Variants in ZNF25 observed in about 807,000 individuals in gnomAD.
ZNF25 encodes the protein zinc finger protein 25, also known as zinc finger protein 25 (KOX 19).
ZNF25 carries 21 observed loss-of-function variants against 30.9 expected under a neutral mutation model. That is an observed-to-expected ratio of 0.68 (90% CI 0.48 to 0.98). The LOEUF is 0.98. Among genes scored for constraint, ZNF25 ranks in the 50% least tolerant of loss-of-function variants. ZNF25 has a pLI of 0.00. For missense variants in ZNF25, 501 were observed against 529.9 expected (o/e 0.95, Z 0.54); for synonymous variants, 169 against 181.3 (o/e 0.93, Z 0.55).
intron 2 of ZNF25, among the ~76,000 whole-genome samples, chr10:37,966,027 C>A (rs558155797): frequency 1.3e-5 from 2 of 151,508 alleles, no homozygotes; most frequent in African/African-American, 2.4e-5. Flanking sequence ...AAAACACTCA[C>A]AAAAGGAAAT....
At chr10:37,960,623 C>CAAAAAAA (rs201582068) in intron 2 of ZNF25, among the ~76,000 whole-genome samples, 11 of 65,696 alleles carry the variant, frequency 1.7e-4, no homozygotes, top group Admixed American at 2.8e-4. Context: ...GACTCCATCT[C>CAAAAAAA]AAAAAAAAAA....
chr10:37,955,741 G>A (rs891046620), intron 4 of ZNF25, among the ~76,000 whole-genome samples: 3 of 152,198 alleles, frequency 2.0e-5, no homozygotes, highest in African/African-American at 4.8e-5. Context: ...GCAGTGGGGC[G>A]ATCTTGGCTC....
rs1348901845 is a variant in ZNF25, at chr10:37,951,272, GAACT to G, written c.*851_*854del. The G allele has an allele frequency of 7.2e-5, 11 of 152,264 alleles. No individual in the cohort carries two copies. Among genetic ancestry groups the G allele is most frequent in the Admixed American group, 1.3e-4 (2 of 15,254 alleles). 9.4% of individuals were successfully genotyped at this position (152,264 alleles called of 1,614,324 possible). A position where few individuals can be genotyped will look rare whatever the true frequency, so the allele number is the denominator to read the frequency against. On this transcript the variant is annotated 3_prime_UTR_variant, in exon 6 of 6. Transcript: ENST00000302609. ...CATCTTCATACACATAATAGTTACT[GAACT>G]AAGATTATATTATTTCGCTATGTAC...
intron 1 of ZNF25, among the ~76,000 whole-genome samples, chr10:37,975,873 G>A (rs1378382917): frequency 6.6e-6 from 1 of 152,118 alleles, no homozygotes; most frequent in African/African-American, 2.4e-5. Context: ...ATTTTAGTGT[G>A]GCAAGGCGCA....
At chr10:37,968,569 T>G (rs1228805647) in intron 2 of ZNF25, among the ~76,000 whole-genome samples, 1 of 152,066 alleles carries the variant, frequency 6.6e-6, no homozygotes, top group Non-Finnish European at 1.5e-5. Context: ...TTGACCAGGC[T>G]GGTCTGAACT....
Position 37,954,448 on chromosome 10 carries a change from CA to C in ZNF25, c.239-691del, listed in dbSNP as rs775637460. Among the ~76,000 whole-genome samples the C allele has an allele frequency of 5.9e-5, 9 of 152,150 alleles. No individual in the cohort carries two copies. The East Asian group carries it at 9.7e-4, about 16-fold the overall frequency. ...AGGAAGACAGAGGACCACATATATC[CA>C]AAAGGAAGGATTTTCTTAAAAGCAT... On this transcript the variant is annotated intron_variant, in intron 4 of 5. Coordinates refer to ENST00000302609, the MANE Select transcript of ZNF25 (RefSeq NM_145011.4).
chr10:37,953,666 C>A (rs1590185097), intron 5 of ZNF25, 29 bp downstream of exon 5: 1 of 1,606,998 alleles, frequency 6.2e-7, no homozygotes, highest in East Asian at 2.2e-5. Flanking sequence ...TACAAATCTT[C>A]TATCTTAAAC....
In ZNF25 at chr10:37,952,385, T is replaced by C; in HGVS notation, c.1113A>G (p.Glu371=). 6.2e-7 allele frequency: 1 copy of C among 1,612,924 alleles called. No individual in the cohort carries two copies. The highest frequency in any genetic ancestry group is 8.5e-7 in the Non-Finnish European group (1 of 1,179,688). The change falls in exon 6 of 6, where the codon GAA becomes GAG. Residue 371 remains glutamate (E), a synonymous_variant. Coordinates refer to ENST00000302609, the MANE Select transcript of ZNF25 (RefSeq NM_145011.4). ...CAAAAGATTTGCCACATTCTGTGCA[T>C]TCATAGGGCTTCTCCCCTGTGTGTT... is the stretch of plus-strand genomic sequence containing the variant. ...QRKHTGEKPY[E]CTECGKSFAV...
Position 37,950,675 on chromosome 10 carries a change from C to G in ZNF25, c.*1452G>C, listed in dbSNP as rs1590155844. 6.6e-6 allele frequency: 1 copy of G among 151,766 alleles called. No homozygotes were observed. Among genetic ancestry groups the G allele is most frequent in the African/African-American group, 2.4e-5 (1 of 41,290 alleles). The allele number at this position is 151,766 out of a possible 1,614,324, so 9.4% of individuals were successfully genotyped here. A position where few individuals can be genotyped will look rare whatever the true frequency, so the allele number is the denominator to read the frequency against. ...ATTCTAAGTGCTTTGAAAATGTTAACTCATTTAGACCTCAAAGCAATCCTA... is the reference window on the plus strand; with the variant it reads ...ATTCTAAGTGCTTTGAAAATGTTAAGTCATTTAGACCTCAAAGCAATCCTA... On this transcript the variant is annotated 3_prime_UTR_variant, in exon 6 of 6. Transcript: ENST00000302609.
rs1590309360 is a variant in ZNF25 at position 37,969,153 on chromosome 10, C to A, written c.15+2555G>T. Among the ~76,000 whole-genome samples, 14 of 152,238 alleles carry A rather than the reference C, an allele frequency of 9.2e-5. 2 individuals are homozygous for A. In the South Asian group the frequency reaches 2.9e-3, roughly 32 times the overall value. ...CAGGTGTTGGGGGTATATGGAGAAA[C>A]TGAAACCCTTGTACATTGCTAATGG... On this transcript the variant is annotated intron_variant, in intron 2 of 5. Coordinates refer to ENST00000302609, the MANE Select transcript of ZNF25 (RefSeq NM_145011.4).
intron 2 of ZNF25, among the ~76,000 whole-genome samples, chr10:37,971,085 C>A (rs969704608): frequency 2.0e-5 from 3 of 152,192 alleles, no homozygotes; most frequent in Middle Eastern, 3.4e-3. Context: ...GAGGCTAAGG[C>A]GGGAGGATCA....
intron 2 of ZNF25, among the ~76,000 whole-genome samples, chr10:37,960,490 G>A (rs2062800108): frequency 6.6e-6 from 1 of 151,230 alleles, no homozygotes. Context: ...CGGGCGTGGT[G>A]ATGGGCGCCT....
intron 2 of ZNF25, among the ~76,000 whole-genome samples, chr10:37,961,782 G>A (rs185277377): frequency 2.0e-4 from 30 of 152,040 alleles, no homozygotes; most frequent in East Asian, 1.5e-3. Context: ...TTAGCCAGGC[G>A]TGGTGGCTCA....
chr10:37,965,844 A>C (rs1446853984), intron 2 of ZNF25, among the ~76,000 whole-genome samples: 1 of 152,228 alleles, frequency 6.6e-6, no homozygotes, highest in Non-Finnish European at 1.5e-5. Flanking sequence ...GTTAATGGTC[A>C]TACAACATGC....
At chr10:37,971,861 G>C in intron 1 of ZNF25, 54 bp from the exon 2 acceptor site, 1 of 1,217,860 alleles carries the variant, frequency 8.2e-7, no homozygotes, top group East Asian at 2.4e-5. Context: ...TTGAGAAAAT[G>C]TCCCTTTGAC....
intron 4 of ZNF25, among the ~76,000 whole-genome samples, chr10:37,956,388 G>T (rs1406670490): frequency 6.6e-6 from 1 of 152,150 alleles, no homozygotes; most frequent in Non-Finnish European, 1.5e-5. Flanking sequence ...CTTTATAGTT[G>T]CATACTCTAA....
At chr10:37,956,485 A>G (rs999655865) in intron 4 of ZNF25, among the ~76,000 whole-genome samples, 1 of 152,242 alleles carries the variant, frequency 6.6e-6, no homozygotes, top group African/African-American at 2.4e-5. Flanking sequence ...AGGAAAGAGA[A>G]GTAAATCTAT....
At chr10:37,968,294 G>T (rs1399935372) in intron 2 of ZNF25, among the ~76,000 whole-genome samples, 1 of 151,550 alleles carries the variant, frequency 6.6e-6, no homozygotes, top group Non-Finnish European at 1.5e-5. Flanking sequence ...CTGACCTCGT[G>T]ATCCGCCTGC....
chr10:37,950,867 A>T lies in ZNF25; in HGVS notation c.*1260T>A, dbSNP rs2062105621. The T allele has an allele frequency of 6.6e-6, 1 of 152,154 alleles. No individual in the cohort carries two copies. The highest frequency in any genetic ancestry group is 1.5e-5 in the Non-Finnish European group (1 of 68,016). 9.4% of individuals were successfully genotyped at this position (152,154 alleles called of 1,614,324 possible). ...GAGGAAGAAAAAGTTGGTGAAGAAC[A>T]TTTAGGACTCTCACACTAAATACAA... On this transcript the variant is annotated 3_prime_UTR_variant, in exon 6 of 6. Transcript: ENST00000302609.
Sources: allele counts gnomAD v4.1 joint callset (sites outside exome capture counted in the v4.1 genomes callset), GRCh38; gene constraint gnomAD v4.1.1; transcripts MANE v1.5; gene names NCBI Gene and HGNC (gene_info 2026-07-23, HGNC 2026-07-21).